Variants in GRIN2A observed in about 807,000 individuals in gnomAD.
GRIN2A encodes glutamate ionotropic receptor NMDA type subunit 2A.
Under a neutral mutation model 113.4 loss-of-function variants are expected in GRIN2A, and 22 were observed. The ratio of observed to expected loss-of-function variants is 0.19; its 90% confidence interval spans 0.14 to 0.28. The LOEUF is 0.28. Among genes scored for constraint, GRIN2A ranks in the 10% least tolerant of loss-of-function variants. GRIN2A has a pLI of 1.00. For missense variants in GRIN2A, 1,502 were observed against 1,887.0 expected, an observed-to-expected ratio of 0.80 and a Z score of 3.78; for synonymous variants, 827 against 738.4, an observed-to-expected ratio of 1.12 and a Z score of -1.94.
intron 2 of GRIN2A, among the ~76,000 whole-genome samples, chr16:10,021,507 C>A (rs1827197): frequency 0.096 from 14,642 of 152,112 alleles, 806 homozygotes; most frequent in African/African-American, 0.12. Flanking sequence ...ATACATTCCC[C>A]CAGTTACCAA....
chr16:9,764,323 G>C lies in GRIN2A; in HGVS notation c.3221C>G (p.Pro1074Arg). 6.2e-7 allele frequency: 1 copy of C among 1,614,112 alleles called. No individual in the cohort carries two copies. Among genetic ancestry groups the C allele is most frequent in the Non-Finnish European group, 8.5e-7 (1 of 1,179,988 alleles). ...TSNRATCHRE[P>R]DNSKNHKTKD... Reference sequence around the variant, plus strand: ...GGTTTTGTGGTTCTTACTGTTGTCAGGTTCCCTGTGGCACGTGGCCCGATT... The same window carrying C: ...GGTTTTGTGGTTCTTACTGTTGTCACGTTCCCTGTGGCACGTGGCCCGATT... The change falls in exon 13 of 13, where the codon CCT becomes CGT. Residue 1074 changes from proline (P) to arginine (R), a missense_variant. Physicochemically the swap from Pro to Arg is moderately radical, Grantham distance 103 (BLOSUM62 -2). Coordinates refer to ENST00000330684, the MANE Select transcript of GRIN2A (RefSeq NM_001134407.3).
chr16:9,760,171 T>C lies in GRIN2A; in HGVS notation c.*2978A>G. ...TCTAAGAACTCAGAGCTGGGATATG[T>C]TACGGGAATCTTCTGTGATAGATCT... On this transcript the variant is annotated 3_prime_UTR_variant, in exon 13 of 13. Transcript: ENST00000330684. 1 of 226,492 alleles carries C rather than the reference T, an allele frequency of 4.4e-6. No homozygotes were observed. The highest frequency in any genetic ancestry group is 2.2e-5 in the African/African-American group (1 of 45,070). 14.0% of individuals were successfully genotyped at this position (226,492 alleles called of 1,614,324 possible). A position where few individuals can be genotyped will look rare whatever the true frequency, so the allele number is the denominator to read the frequency against.
chr16:10,040,535 T>C (rs542030131), intron 2 of GRIN2A, among the ~76,000 whole-genome samples: 8 of 149,690 alleles, frequency 5.3e-5, no homozygotes, highest in African/African-American at 2.0e-4. Flanking sequence ...CACCACATAA[T>C]GCTGCACACT....
rs1487991761 is a variant in GRIN2A at position 9,848,639 on chromosome 16, T to A, written c.1328+1117A>T. On this transcript the variant is annotated intron_variant, in intron 5 of 12. Coordinates refer to ENST00000330684, the MANE Select transcript of GRIN2A (RefSeq NM_001134407.3). Reference sequence around the variant, plus strand: ...TATATTTTTAATATATAAAAACATATGGTGTTTTATATATTTAATACATAA... The same window carrying A: ...TATATTTTTAATATATAAAAACATAAGGTGTTTTATATATTTAATACATAA... Among the ~76,000 whole-genome samples, 7 of 147,168 alleles carry A rather than the reference T, an allele frequency of 4.8e-5. No individual in the cohort carries two copies. The East Asian group carries it at 1.4e-3, about 29-fold the overall frequency.
intron 2 of GRIN2A, among the ~76,000 whole-genome samples, chr16:9,947,518 G>C (rs1225151530): frequency 6.6e-6 from 1 of 152,236 alleles, no homozygotes. Flanking sequence ...CATAACACTT[G>C]CTAGGGGCAG....
At chr16:10,107,922 C>T (rs187338790) in intron 2 of GRIN2A, among the ~76,000 whole-genome samples, 31 of 152,274 alleles carry the variant, frequency 2.0e-4, no homozygotes, top group African/African-American at 7.5e-4. Context: ...TGATGCTTAC[C>T]CTCTGGTGGG....
Position 9,899,838 on chromosome 16 carries a change from C to T in GRIN2A, c.1008-8738G>A, listed in dbSNP as rs74008870. On this transcript the variant is annotated intron_variant, in intron 3 of 12. Coordinates refer to ENST00000330684, the MANE Select transcript of GRIN2A (RefSeq NM_001134407.3). ...GCATAGGTCTCTAGGATCCTGCACA[C>T]TAAATATTTGATTCCAGTACAACAA... Among the ~76,000 whole-genome samples the T allele has an allele frequency of 9.0e-3, 1,372 of 152,268 alleles. 30 individuals carry two copies. Among genetic ancestry groups the T allele is most frequent in the African/African-American group, 0.032 (1,315 of 41,544 alleles).
intron 2 of GRIN2A, among the ~76,000 whole-genome samples, chr16:10,134,094 G>T (rs918201528): frequency 6.6e-6 from 1 of 151,574 alleles, no homozygotes; most frequent in Admixed American, 6.6e-5. Flanking sequence ...TACTCAGGAG[G>T]CTGAGGTGGG....
intron 9 of GRIN2A, among the ~76,000 whole-genome samples, chr16:9,823,362 A>G (rs1266068555): frequency 6.6e-6 from 1 of 152,100 alleles, no homozygotes; most frequent in East Asian, 1.9e-4. Context: ...TAACACATTC[A>G]CTTCATGCTG....
chr16:9,811,736 G>A (rs1321238562), intron 10 of GRIN2A, among the ~76,000 whole-genome samples: 1 of 152,158 alleles, frequency 6.6e-6, no homozygotes, highest in East Asian at 1.9e-4. Flanking sequence ...TCTAGCCCTG[G>A]TGACAGAGTG....
At chr16:9,874,762 A>T (rs2043332035) in intron 4 of GRIN2A, among the ~76,000 whole-genome samples, 1 of 152,016 alleles carries the variant, frequency 6.6e-6, no homozygotes, top group African/African-American at 2.4e-5. Context: ...AGGGGGCAGG[A>T]GTGATCATAC....
intron 2 of GRIN2A, among the ~76,000 whole-genome samples, chr16:10,039,110 A>C (rs2047092649): frequency 6.6e-6 from 1 of 152,044 alleles, no homozygotes; most frequent in African/African-American, 2.4e-5. Flanking sequence ...CCCGCCCGGC[A>C]GGGAGCAGAC....
At chr16:9,774,345 C>A (rs1901471810) in intron 11 of GRIN2A, among the ~76,000 whole-genome samples, 1 of 152,140 alleles carries the variant, frequency 6.6e-6, no homozygotes, top group Non-Finnish European at 1.5e-5. Flanking sequence ...GGGAGCACAT[C>A]CAGTCATCTG....
At chr16:10,073,159 T>C (rs1234390907) in intron 2 of GRIN2A, among the ~76,000 whole-genome samples, 1 of 152,064 alleles carries the variant, frequency 6.6e-6, no homozygotes. Context: ...TTTCACCATG[T>C]TGGCCAAGCT....
intron 5 of GRIN2A, among the ~76,000 whole-genome samples, chr16:9,845,553 C>T (rs2042757218): frequency 6.6e-6 from 1 of 152,150 alleles, no homozygotes; most frequent in Non-Finnish European, 1.5e-5. Flanking sequence ...AGAACATCCT[C>T]TGACAACTTT....
Position 10,002,740 on chromosome 16 carries a change from T to C in GRIN2A, c.415-64189A>G, listed in dbSNP as rs148299879. On this transcript the variant is annotated intron_variant, in intron 2 of 12. Transcript: ENST00000330684. ...AAGAATACAACTTGATGTTGCCAGC[T>C]CTTTCAGTATTTCAAGACAATCCAG... 3.8e-3 allele frequency among the ~76,000 whole-genome samples: 577 copies of C among 152,312 alleles called. 3 individuals are homozygous for C. The highest frequency in any genetic ancestry group is 0.013 in the African/African-American group (547 of 41,562).
At chr16:9,783,025 G>A (rs1596399806) in intron 11 of GRIN2A, among the ~76,000 whole-genome samples, 1 of 152,156 alleles carries the variant, frequency 6.6e-6, no homozygotes, top group African/African-American at 2.4e-5. Context: ...TAAATGGTTT[G>A]CCCTAGACAG....
chr16:9,985,369 A>G lies in GRIN2A; in HGVS notation c.415-46818T>C, dbSNP rs539539740. On this transcript the variant is annotated intron_variant, in intron 2 of 12. Transcript: ENST00000330684. ...TTATTAGTCAGTGAATTAAGAGGAAAATATCAAGGAGACATCTGCACTCCC... is the reference window on the plus strand; with the variant it reads ...TTATTAGTCAGTGAATTAAGAGGAAGATATCAAGGAGACATCTGCACTCCC... Among the ~76,000 whole-genome samples the G allele has an allele frequency of 2.0e-5, 3 of 152,354 alleles. No homozygotes were observed. The South Asian group carries it at 6.2e-4, about 32-fold the overall frequency.
At chr16:10,018,374 C>T (rs1333679666) in intron 2 of GRIN2A, among the ~76,000 whole-genome samples, 1 of 152,070 alleles carries the variant, frequency 6.6e-6, no homozygotes, top group Admixed American at 6.6e-5. Flanking sequence ...TGTGCTAGCA[C>T]CAGAAGACAC....
Sources: gnomAD v4.1 joint callset for allele counts (sites outside exome capture counted in the v4.1 genomes callset) on GRCh38, gnomAD v4.1.1 for gene constraint, MANE v1.5 for transcripts, NCBI Gene and HGNC (gene_info 2026-07-23, HGNC 2026-07-21) for gene names.